Variants in CLDND2 observed in about 807,000 individuals in gnomAD.
The protein encoded by CLDND2 is claudin domain containing 2, also known as claudin domain-containing protein 2.
A neutral mutation model predicts 17.7 loss-of-function variants in CLDND2; 18 were observed. That is an observed-to-expected ratio of 1.02 (90% confidence interval 0.70 to 1.51). The LOEUF (loss-of-function observed/expected upper bound fraction) is 1.51, where lower values mean the gene tolerates loss of function less well. Among genes scored for constraint, CLDND2 ranks in the 40% most tolerant of loss-of-function variants. CLDND2 has a pLI of 0.00. For synonymous variants in CLDND2, 113 were observed against 93.0 expected (o/e 1.22, Z -1.24); for missense variants, 233 against 219.6 (o/e 1.06, Z -0.39).
rs1396317297 is a variant in CLDND2, at chr19:51,368,417, G to A, written c.161C>T (p.Pro54Leu). The A allele has an allele frequency of 6.2e-7, 1 of 1,612,158 alleles. No homozygotes were observed. ...ECNHGICSSI[P>L]CQTTLAVTVA... ...GGCGGGCGGAGCCTCACTCTGGCAGGGGATGCTGGAGCAGATGCCGTGGTT... is the reference window on the plus strand; with the variant it reads ...GGCGGGCGGAGCCTCACTCTGGCAGAGGATGCTGGAGCAGATGCCGTGGTT... The change falls in exon 1 of 4, where the codon CCC (proline) becomes CTC (leucine). Residue 54 changes from proline to leucine, a missense_variant. Physicochemically the swap from Pro to Leu is moderately conservative, Grantham distance 98. Transcript: ENST00000291715.
Position 51,367,635 on chromosome 19 carries a change from C to A in CLDND2, c.311-59G>T. On this transcript the variant is annotated intron_variant, in intron 2 of 3. Coordinates refer to ENST00000291715, the MANE Select transcript of CLDND2 (RefSeq NM_152353.3). The surrounding 1 kb of genome is among the most constrained non-coding windows in gnomAD (Gnocchi z 7.4). The stretch of plus-strand genomic sequence containing the variant: ...GGGCCTGGTGGGGGCTGCACCCAGG[C>A]CACGCCCCTTCAGACCCGCCCCCTT... 1.3e-6 allele frequency: 2 copies of A among 1,566,344 alleles called. No individual in the cohort carries two copies. Among genetic ancestry groups the A allele is most frequent in the Non-Finnish European group, 8.7e-7 (1 of 1,155,934 alleles).
In CLDND2 at chr19:51,367,174, C is replaced by T; in HGVS notation, c.472G>A (p.Asp158Asn). ...CACACGGGGAATCCACTGATGGCGTCGGTGCTCTGCATGATCATGTCTGCC... is the reference window on the plus strand; with the variant it reads ...CACACGGGGAATCCACTGATGGCGTTGGTGCTCTGCATGATCATGTCTGCC... ...LLADMIMQST[D>N]AISGFPVCL The change falls in exon 4 of 4, where the codon GAC becomes AAC. Residue 158 changes from aspartate (D) to asparagine (N), a missense_variant. By Grantham distance (23) the Asp-to-Asn change is conservative. Transcript: ENST00000291715. This position sits in a 1 kb window ranked among gnomAD's most constrained non-coding sequence, Gnocchi z 7.4. The T allele has an allele frequency of 6.2e-7, 1 of 1,614,200 alleles. No individual in the cohort carries two copies. Among genetic ancestry groups the T allele is most frequent in the Non-Finnish European group, 8.5e-7 (1 of 1,180,030 alleles).
At position 51,367,841 on chromosome 19, in the gene CLDND2, AGGGCCCGCCCCTGCCTGCCCGCCT is replaced by A; in HGVS notation, c.310+21_310+44del. The A allele has an allele frequency of 6.3e-7, 1 of 1,595,788 alleles. No individual in the cohort carries two copies. Among genetic ancestry groups the A allele is most frequent in the Non-Finnish European group, 8.5e-7 (1 of 1,175,408 alleles). On this transcript the variant is annotated intron_variant, in intron 2 of 3. Coordinates refer to ENST00000291715, the MANE Select transcript of CLDND2 (RefSeq NM_152353.3). The surrounding 1 kb of genome is among the most constrained non-coding windows in gnomAD (Gnocchi z 7.4). ...TGGCGACCAGGCCCCTCCATCACCCAGGGCCCGCCCCTGCCTGCCCGCCTGGGGCGGTCTGCAGTCTCACCGCCG... is the reference window on the plus strand; with the variant it reads ...TGGCGACCAGGCCCCTCCATCACCCAGGGGCGGTCTGCAGTCTCACCGCCG...
chr19:51,367,927 G>T lies in CLDND2; in HGVS notation c.269C>A (p.Ser90Ter). The T allele has an allele frequency of 6.2e-7, 1 of 1,612,906 alleles. No individual in the cohort carries two copies. Among genetic ancestry groups the T allele is most frequent in the Non-Finnish European group, 8.5e-7 (1 of 1,179,754 alleles). The change falls in exon 2 of 4, where the codon TCG (serine) becomes TAG (stop). Residue 90 changes from serine to a stop codon, truncating the protein, a stop_gained. Transcript: ENST00000291715. LOFTEE classifies it high-confidence loss of function. The surrounding 1 kb of genome is among the most constrained non-coding windows in gnomAD (Gnocchi z 7.4). ...GGCGCTCGTGGTCTGGCCCCGCAGC[G>T]ACTCGCCCTCGTCGCACCGAATCCG... ...GLRIRCDEGE[S>*]LRGQTTSAFL...
At position 51,367,714 on chromosome 19, in the gene CLDND2, T is replaced by C; in HGVS notation, c.311-138A>G. The C allele has an allele frequency of 6.7e-7, 1 of 1,482,662 alleles. No individual in the cohort carries two copies. The highest frequency in any genetic ancestry group is 1.4e-5 in the South Asian group (1 of 73,688). The allele number at this position is 1,482,662 out of a possible 1,614,324, so 91.8% of individuals were successfully genotyped here. A position where few individuals can be genotyped will look rare whatever the true frequency, so the allele number is the denominator to read the frequency against. ...CCCGCCCCTGGCCCAGGCCCCTTCC[T>C]GCTCCTCCCGCTCTGAACTCTGTCT... is the stretch of plus-strand genomic sequence containing the variant. On this transcript the variant is annotated intron_variant, in intron 2 of 3. Coordinates refer to ENST00000291715, the MANE Select transcript of CLDND2 (RefSeq NM_152353.3). This position sits in a 1 kb window ranked among gnomAD's most constrained non-coding sequence, Gnocchi z 7.4.
Position 51,367,269 on chromosome 19 carries a change from G to A in CLDND2, c.431-54C>T, listed in dbSNP as rs1986431581. 6.4e-7 allele frequency: 1 copy of A among 1,573,648 alleles called. No individual in the cohort carries two copies. Among genetic ancestry groups the A allele is most frequent in the Non-Finnish European group, 8.7e-7 (1 of 1,144,440 alleles). On this transcript the variant is annotated intron_variant, in intron 3 of 3. Transcript: ENST00000291715. The surrounding 1 kb of genome is among the most constrained non-coding windows in gnomAD (Gnocchi z 7.4). ...GAGGAAGGTGGGCCCTGGGGCGGAT[G>A]GCCGGGAGGGCCCCGGGGACTGGGG...
rs763616424 is a variant in CLDND2, at chr19:51,367,283, C to A, written c.431-68G>T. On this transcript the variant is annotated intron_variant, in intron 3 of 3. Transcript: ENST00000291715. This position sits in a 1 kb window ranked among gnomAD's most constrained non-coding sequence, Gnocchi z 7.4. ...CTGGGGCGGATGGCCGGGAGGGCCC[C>A]GGGGACTGGGGTTTGGGGCTCCAAG... 1.1e-5 allele frequency: 17 copies of A among 1,543,550 alleles called. No individual in the cohort carries two copies. Among genetic ancestry groups the A allele is most frequent in the Non-Finnish European group, 1.5e-5 (17 of 1,118,878 alleles).
In CLDND2 at chr19:51,368,483, G is replaced by A. The variant is rs34633086; in HGVS notation, c.95C>T (p.Thr32Ile). 1.4e-3 allele frequency: 2,295 copies of A among 1,614,158 alleles called. 21 individuals are homozygous for A. The African/African-American group carries it at 0.027, about 19-fold the overall frequency. The change falls in exon 1 of 4, where the codon ACC (threonine) becomes ATC (isoleucine). Residue 32 changes from threonine (T) to isoleucine (I), a missense_variant. Transcript: ENST00000291715. Reference protein sequence around the residue: ...MVLSTATNYWTRQQEGHSGLW... With the variant: ...MVLSTATNYWIRQQEGHSGLW... ...GCCACTGTGGCCCTCTTGTTGGCGG[G>A]TCCAGTAGTTGGTGGCCGTGGAGAG...
At chr19:51,368,288 A>C in intron 1 of CLDND2, 121 bp downstream of exon 1, 1 of 1,265,924 alleles carries the variant, frequency 7.9e-7, no homozygotes, top group Non-Finnish European at 1.1e-6. Flanking sequence ...TCGGCCGACA[A>C]GGGACAGCTG....
intron 1 of CLDND2, 181 bp downstream of exon 1, chr19:51,368,228 A>G (rs1599852853): frequency 1.1e-6 from 1 of 891,050 alleles, no homozygotes; most frequent in East Asian, 2.6e-5. Flanking sequence ...CAGGACGGGG[A>G]GGGGGTCGGG....
Position 51,367,648 on chromosome 19 carries a change from G to GACCC in CLDND2, c.311-76_311-73dup. The GACCC allele has an allele frequency of 6.5e-7, 1 of 1,543,260 alleles. No individual in the cohort carries two copies. The highest frequency in any genetic ancestry group is 1.4e-5 in the African/African-American group (1 of 72,482). ...GCTGCACCCAGGCCACGCCCCTTCA[G>GACCC]ACCCGCCCCCTTCTATCAGACCACG... is the stretch of plus-strand genomic sequence containing the variant. On this transcript the variant is annotated intron_variant, in intron 2 of 3. Coordinates refer to ENST00000291715, the MANE Select transcript of CLDND2 (RefSeq NM_152353.3). The surrounding 1 kb of genome is among the most constrained non-coding windows in gnomAD (Gnocchi z 7.4).
In CLDND2 at chr19:51,367,323, G is replaced by T. The variant is rs1986435404; in HGVS notation, c.431-108C>A. The T allele has an allele frequency of 2.2e-6, 3 of 1,382,514 alleles. No individual in the cohort carries two copies. The highest frequency in any genetic ancestry group is 1.9e-5 in the Admixed American group (1 of 52,556). The allele number at this position is 1,382,514 out of a possible 1,614,324, so 85.6% of individuals were successfully genotyped here. The stretch of plus-strand genomic sequence containing the variant: ...GGGGCTCCAAGGGGGTCTCTGCCGG[G>T]TCTGCGGGAGTCGTTAGTGTGTTGG... On this transcript the variant is annotated intron_variant, in intron 3 of 3. Transcript: ENST00000291715. The surrounding 1 kb of genome is among the most constrained non-coding windows in gnomAD (Gnocchi z 7.4).
Position 51,368,752 on chromosome 19 carries a change from A to T in CLDND2, c.-175T>A, listed in dbSNP as rs1233275940. On this transcript the variant is annotated 5_prime_UTR_variant, in exon 1 of 4. Coordinates refer to ENST00000291715, the MANE Select transcript of CLDND2 (RefSeq NM_152353.3). ...CCTCCCTCAACAACCCTGCCTGAGGATCCACAACCTCCTCCCTCCAGACCT... is the reference window on the plus strand; with the variant it reads ...CCTCCCTCAACAACCCTGCCTGAGGTTCCACAACCTCCTCCCTCCAGACCT... The T allele has an allele frequency of 1.7e-6, 1 of 590,390 alleles. No individual in the cohort carries two copies. Among genetic ancestry groups the T allele is most frequent in the Non-Finnish European group, 3.0e-6 (1 of 335,854 alleles). The allele number at this position is 590,390 out of a possible 1,614,324, so 36.6% of individuals were successfully genotyped here.
Position 51,367,973 on chromosome 19 carries a change from C to G in CLDND2, c.223G>C (p.Val75Leu). 6.2e-7 allele frequency: 1 copy of G among 1,612,222 alleles called. No individual in the cohort carries two copies. The highest frequency in any genetic ancestry group is 1.1e-5 in the South Asian group (1 of 90,962). Residue 75 changes from valine (V) to leucine (L), a missense_variant, in exon 2 of 4, where the codon GTG becomes CTG. Physicochemically the swap from Val to Leu is conservative, Grantham distance 32. Transcript: ENST00000291715. The surrounding 1 kb of genome is among the most constrained non-coding windows in gnomAD (Gnocchi z 7.4). ...CMVLAVGVGV[V>L]GMVMGLRIRC... is the part of the protein sequence containing the mutation. ...ATCCGCAGTCCCATCACCATGCCCA[C>G]CACGCCGACACCCACCGCCAGCACC... is the stretch of plus-strand genomic sequence containing the variant.
At chr19:51,368,087 G>T in intron 1 of CLDND2, 61 bp from the exon 2 acceptor site, 2 of 1,498,640 alleles carry the variant, frequency 1.3e-6, no homozygotes, top group Non-Finnish European at 9.0e-7. Flanking sequence ...GGGTTCGGCC[G>T]CAACCGGAAG....
intron 1 of CLDND2, 136 bp downstream of exon 1, chr19:51,368,273 C>G: frequency 8.7e-6 from 10 of 1,142,886 alleles, no homozygotes; most frequent in Non-Finnish European, 1.1e-5. Context: ...GGGTTCGTGG[C>G]GGCCTCGGCC....
Position 51,367,595 on chromosome 19 carries a change from C to T in CLDND2, c.311-19G>A. The T allele has an allele frequency of 6.2e-7, 1 of 1,607,804 alleles. No individual in the cohort carries two copies. The highest frequency in any genetic ancestry group is 8.5e-7 in the Non-Finnish European group (1 of 1,177,112). On this transcript the variant is annotated intron_variant, in intron 2 of 3. Coordinates refer to ENST00000291715, the MANE Select transcript of CLDND2 (RefSeq NM_152353.3). The surrounding 1 kb of genome is among the most constrained non-coding windows in gnomAD (Gnocchi z 7.4). Reference sequence around the variant, plus strand: ...AGCAGTCCTGGGCCCCGCCCAGCCGCAAGATGAGCTAGCTGGGCCTGGTGG... The same window carrying T: ...AGCAGTCCTGGGCCCCGCCCAGCCGTAAGATGAGCTAGCTGGGCCTGGTGG...
Position 51,368,707 on chromosome 19 carries a change from T to C in CLDND2, c.-130A>G. On this transcript the variant is annotated 5_prime_UTR_variant, in exon 1 of 4. Coordinates refer to ENST00000291715, the MANE Select transcript of CLDND2 (RefSeq NM_152353.3). ...GGTACTCCTGCCTGAGGTCCCTGCT[T>C]CTGGGGACCTGGAGACCCCCCTCCC... The C allele has an allele frequency of 3.8e-6, 3 of 784,662 alleles. No homozygotes were observed. Among genetic ancestry groups the C allele is most frequent in the Non-Finnish European group, 5.9e-6 (3 of 508,170 alleles). 48.6% of individuals were successfully genotyped at this position (784,662 alleles called of 1,614,324 possible).
In CLDND2 at chr19:51,368,510, A is replaced by G; in HGVS notation, c.68T>C (p.Val23Ala). 3.1e-6 allele frequency: 5 copies of G among 1,614,072 alleles called. No individual in the cohort carries two copies. Among genetic ancestry groups the G allele is most frequent in the Non-Finnish European group, 4.2e-6 (5 of 1,179,978 alleles). Residue 23 changes from valine to alanine, a missense_variant, in exon 1 of 4, where the codon GTG becomes GCG. Coordinates refer to ENST00000291715, the MANE Select transcript of CLDND2 (RefSeq NM_152353.3). ...CCAGTAGTTGGTGGCCGTGGAGAGC[A>G]CCATGAGGACGTTGGCCACGAGGCT... is the stretch of plus-strand genomic sequence containing the variant. ...LLSLVANVLM[V>A]LSTATNYWTR... is the part of the protein sequence containing the mutation.
Sources: gnomAD v4.1 joint callset for allele counts on GRCh38, gnomAD v4.1.1 for gene constraint, Gnocchi (gnomAD v3.1) non-coding constraint, MANE v1.5 for transcripts, NCBI Gene and HGNC (gene_info 2026-07-23, HGNC 2026-07-21) for gene names.